Variants in EPHA7 observed in about 807,000 individuals in gnomAD.
EPHA7 encodes the protein ephrin type-A receptor 7.
Under a neutral mutation model 112.6 loss-of-function variants are expected in EPHA7, and 25 were observed. The observed-to-expected ratio is 0.22, with a 90% confidence interval of 0.16 to 0.31. EPHA7 has a LOEUF of 0.31. Among genes scored for constraint, EPHA7 ranks in the 10% least tolerant of loss-of-function variants. The pLI is 1.00. For missense variants in EPHA7, 962 were observed against 1,212.6 expected (o/e 0.79, Z 3.07); for synonymous variants, 437 against 406.5 (o/e 1.07, Z -0.90).
intron 3 of EPHA7, among the ~76,000 whole-genome samples, chr6:93,363,663 A>C (rs1776362349): frequency 6.6e-6 from 1 of 152,166 alleles, no homozygotes; most frequent in African/African-American, 2.4e-5. Context: ...AGTTCCTCAA[A>C]AGAATAAACA....
At chr6:93,323,805 T>C (rs1774186953) in intron 5 of EPHA7, among the ~76,000 whole-genome samples, 1 of 151,450 alleles carries the variant, frequency 6.6e-6, no homozygotes, top group East Asian at 1.9e-4. Context: ...CTGACAAACA[T>C]ATATTCTACC....
intron 3 of EPHA7, among the ~76,000 whole-genome samples, chr6:93,393,626 C>T (rs1035426571): frequency 6.6e-6 from 1 of 151,666 alleles, no homozygotes; most frequent in African/African-American, 2.4e-5. Context: ...CTCTAAGCTC[C>T]CAGGGCAAAG....
intron 14 of EPHA7, among the ~76,000 whole-genome samples, chr6:93,247,529 G>A (rs1423804323): frequency 6.6e-6 from 1 of 152,090 alleles, no homozygotes; most frequent in Non-Finnish European, 1.5e-5. Context: ...AGACAGGAGC[G>A]AGGTTGTACT....
rs553902732 is a variant in EPHA7, at chr6:93,298,057, TC to T, written c.1325-25636del. 6.7e-3 allele frequency among the ~76,000 whole-genome samples: 1,015 copies of T among 152,190 alleles called. 16 individuals are homozygous for T. Among genetic ancestry groups the T allele is most frequent in the African/African-American group, 0.022 (922 of 41,552 alleles). On this transcript the variant is annotated intron_variant, in intron 5 of 16. Coordinates refer to ENST00000369303, the MANE Select transcript of EPHA7 (RefSeq NM_004440.4). ...TATATCAATATCTGTGAAACAGATA[TC>T]TATGATAAGTAAAACAATGCCATAT...
At chr6:93,385,284 G>C (rs1351360125) in intron 3 of EPHA7, among the ~76,000 whole-genome samples, 2 of 151,978 alleles carry the variant, frequency 1.3e-5, no homozygotes, top group Non-Finnish European at 2.9e-5. Context: ...AAATATATGT[G>C]TACGCATATG....
At chr6:93,265,808 G>C (rs991764920) in intron 7 of EPHA7, among the ~76,000 whole-genome samples, 1 of 151,674 alleles carries the variant, frequency 6.6e-6, no homozygotes, top group African/African-American at 2.4e-5. Context: ...CAAGGGACTA[G>C]ATCTCTAGAG....
At chr6:93,323,224 T>C (rs1774164223) in intron 5 of EPHA7, among the ~76,000 whole-genome samples, 1 of 151,556 alleles carries the variant, frequency 6.6e-6, no homozygotes, top group African/African-American at 2.4e-5. Flanking sequence ...ATGTAAAGGC[T>C]CTAAAATTTA....
rs1769663768 is a variant in EPHA7 at position 93,240,931 on chromosome 6, T to C, written c.*2495A>G. 1 of 212,066 alleles carries C rather than the reference T, an allele frequency of 4.7e-6. No individual in the cohort carries two copies. The highest frequency in any genetic ancestry group is 7.0e-5 in the East Asian group (1 of 14,202). The allele number at this position is 212,066 out of a possible 1,614,324, so 13.1% of individuals were successfully genotyped here. ...GAAAAGAAACTTACAAACGAGATAG[T>C]GATGTAATCATACACTTCCTATTGT... On this transcript the variant is annotated 3_prime_UTR_variant, in exon 17 of 17. Transcript: ENST00000369303.
At chr6:93,269,428 A>G (rs1473782482) in intron 7 of EPHA7, 49 bp downstream of exon 7, 2 of 1,496,186 alleles carry the variant, frequency 1.3e-6, no homozygotes, top group South Asian at 1.3e-5. Context: ...AAATATTAAT[A>G]TATGCTAGAG....
chr6:93,247,920 T>C (rs1466912960), intron 14 of EPHA7, among the ~76,000 whole-genome samples: 3 of 152,084 alleles, frequency 2.0e-5, no homozygotes, highest in Non-Finnish European at 4.4e-5. Flanking sequence ...TTTTTATTTA[T>C]ATGAAAGGCA....
chr6:93,351,238 G>A (rs567558091), intron 5 of EPHA7, among the ~76,000 whole-genome samples: 1 of 152,128 alleles, frequency 6.6e-6, no homozygotes, highest in East Asian at 1.9e-4. Context: ...CAACCTGAGG[G>A]TTCATTACAG....
chr6:93,287,104 G>A (rs967313591), intron 5 of EPHA7, among the ~76,000 whole-genome samples: 1 of 152,128 alleles, frequency 6.6e-6, no homozygotes, highest in Non-Finnish European at 1.5e-5. Flanking sequence ...GAATAATGGT[G>A]TGACACTACA....
intron 3 of EPHA7, among the ~76,000 whole-genome samples, chr6:93,372,538 C>G (rs1172855731): frequency 6.6e-6 from 1 of 152,086 alleles, no homozygotes; most frequent in African/African-American, 2.4e-5. Flanking sequence ...AAATCCTACT[C>G]TTATCATATA....
chr6:93,290,624 A>G (rs985702535), intron 5 of EPHA7, among the ~76,000 whole-genome samples: 11 of 152,076 alleles, frequency 7.2e-5, no homozygotes, highest in African/African-American at 2.7e-4. Context: ...CTTTAATTTT[A>G]GCTTTAGGTT....
intron 5 of EPHA7, among the ~76,000 whole-genome samples, chr6:93,354,999 C>G (rs1582581668): frequency 7.8e-6 from 1 of 128,974 alleles, no homozygotes; most frequent in Non-Finnish European, 1.6e-5. Context: ...GCTCTTATGT[C>G]AAAATCATAA....
chr6:93,415,969 C>CACAGTA (rs1392982232), intron 1 of EPHA7, among the ~76,000 whole-genome samples: 2 of 152,148 alleles, frequency 1.3e-5, no homozygotes, highest in African/African-American at 4.8e-5. Flanking sequence ...AATTCCTTCA[C>CACAGTA]ACTAGTCAAA....
chr6:93,410,260 G>GCATAGGACA lies in EPHA7; in HGVS notation c.832+232_832+240dup. ...GTGCAACTATTGACTTCCATGTTAA[G>GCATAGGACA]CATAGGACACATTAAATTTTAGTAA... On this transcript the variant is annotated intron_variant, in intron 3 of 16. Coordinates refer to ENST00000369303, the MANE Select transcript of EPHA7 (RefSeq NM_004440.4). This position sits in a 1 kb window ranked among gnomAD's most constrained non-coding sequence, Gnocchi z 4.0. The GCATAGGACA allele has an allele frequency of 2.0e-6, 1 of 498,558 alleles. No individual in the cohort carries two copies. The highest frequency in any genetic ancestry group is 3.6e-6 in the Non-Finnish European group (1 of 278,270). The allele number at this position is 498,558 out of a possible 1,614,324, so 30.9% of individuals were successfully genotyped here.
In EPHA7 at chr6:93,314,858, C is replaced by CA. The variant is rs1554180994; in HGVS notation, c.1324+41858_1324+41859insT. Among the ~76,000 whole-genome samples, 417 of 101,364 alleles carry CA rather than the reference C, an allele frequency of 4.1e-3. 2 individuals carry two copies. Among genetic ancestry groups the CA allele is most frequent in the African/African-American group, 0.015 (399 of 26,974 alleles). 66.5% of individuals were successfully genotyped at this position (101,364 alleles called of 152,430 possible). ...ACATTAAGACTGACAATATAATTTTCTTTTTTTTTTTTTTTTTTTTTTGAG... is the reference window on the plus strand; with the variant it reads ...ACATTAAGACTGACAATATAATTTTCATTTTTTTTTTTTTTTTTTTTTTGAG... On this transcript the variant is annotated intron_variant, in intron 5 of 16. Transcript: ENST00000369303.
chr6:93,362,745 A>G (rs1376575209), intron 3 of EPHA7, among the ~76,000 whole-genome samples: 1 of 152,158 alleles, frequency 6.6e-6, no homozygotes, highest in Non-Finnish European at 1.5e-5. Flanking sequence ...CCCAAAAGCC[A>G]TACATTCCCA....
Sources: gnomAD v4.1 joint callset for allele counts (sites outside exome capture counted in the v4.1 genomes callset) on GRCh38, gnomAD v4.1.1 for gene constraint, Gnocchi (gnomAD v3.1) non-coding constraint, MANE v1.5 for transcripts, NCBI Gene and HGNC (gene_info 2026-07-23, HGNC 2026-07-21) for gene names.